The following FAM135A variants were observed in gnomAD, a reference collection of about 807,000 sequenced individuals.
The protein encoded by FAM135A is family with sequence similarity 135 member A.
Under a neutral mutation model 146.8 loss-of-function variants are expected in FAM135A, and 79 were observed. The ratio of observed to expected loss-of-function variants is 0.54; its 90% CI spans 0.45 to 0.65. FAM135A has a LOEUF of 0.65. Ranked by LOEUF, FAM135A falls within the 30% of genes least tolerant of loss-of-function variation. The pLI, the probability that FAM135A is intolerant of heterozygous loss-of-function variation, is 0.00. For missense variants in FAM135A, 1,623 were observed against 1,758.2 expected, an observed-to-expected ratio of 0.92 and a Z score of 1.38; for synonymous variants, 562 against 603.6, an observed-to-expected ratio of 0.93 and a Z score of 1.01.
chr6:70,513,953 A>G (rs1206277006), intron 12 of FAM135A, among the ~76,000 whole-genome samples: 1 of 151,274 alleles, frequency 6.6e-6, no homozygotes, highest in African/African-American at 2.4e-5. Flanking sequence ...TGACTATGAT[A>G]TGCCTTGTTG....
At chr6:70,437,607 T>C (rs145032776) in intron 4 of FAM135A, among the ~76,000 whole-genome samples, 3 of 152,234 alleles carry the variant, frequency 2.0e-5, no homozygotes, top group African/African-American at 4.8e-5. Context: ...AATAGGGAGA[T>C]ACTATGAGAA....
intron 5 of FAM135A, among the ~76,000 whole-genome samples, chr6:70,466,817 G>T (rs1333801765): frequency 6.6e-6 from 1 of 152,170 alleles, no homozygotes; most frequent in African/African-American, 2.4e-5. Flanking sequence ...GCACTGAAAA[G>T]AAATTTAGCC....
At chr6:70,558,492 C>T (rs1013975227) in intron 21 of FAM135A, among the ~76,000 whole-genome samples, 1 of 152,114 alleles carries the variant, frequency 6.6e-6, no homozygotes, top group Non-Finnish European at 1.5e-5. Flanking sequence ...CTTAGTATGA[C>T]CTCAGTAAAT....
chr6:70,553,522 T>C lies in FAM135A; in HGVS notation c.4229-3228T>C, dbSNP rs553986617. On this transcript the variant is annotated intron_variant, in intron 20 of 21. Transcript: ENST00000418814. ...GACCTTAATATGTGGGAGCCAATAT[T>C]GATATTTTTTGAGGGAAGACACATA... is the stretch of plus-strand genomic sequence containing the variant. 1.8e-3 allele frequency among the ~76,000 whole-genome samples: 272 copies of C among 152,264 alleles called. 1 individual carries two copies. Among genetic ancestry groups the C allele is most frequent in the Non-Finnish European group, 3.3e-3 (227 of 68,028 alleles).
chr6:70,531,160 G>A (rs1377388522), intron 16 of FAM135A, among the ~76,000 whole-genome samples: 3 of 152,158 alleles, frequency 2.0e-5, no homozygotes, highest in African/African-American at 7.2e-5. Flanking sequence ...AGCTTTGGCT[G>A]ATTTTCTCAA....
chr6:70,538,349 A>G lies in FAM135A; in HGVS notation c.4176A>G (p.Arg1392=), dbSNP rs1797162570. The G allele has an allele frequency of 1.3e-6, 2 of 1,533,028 alleles. No homozygotes were observed. Among genetic ancestry groups the G allele is most frequent in the African/African-American group, 1.4e-5 (1 of 73,154 alleles). 95.0% of individuals were successfully genotyped at this position (1,533,028 alleles called of 1,614,324 possible). The change falls in exon 20 of 22, where the codon CGA becomes CGG. Residue 1392 remains arginine (R), a synonymous_variant. Transcript: ENST00000418814. ...KSGSLLQLTC[R]DHSDPRQTFL... is the part of the protein sequence containing the mutation. ...GTTCGCTTTTGCAGCTGACATGTCG[A>G]GATCACTCAGACCCTCGCCAAACTT...
intron 10 of FAM135A, among the ~76,000 whole-genome samples, chr6:70,486,774 C>T (rs1784739760): frequency 6.6e-6 from 1 of 151,976 alleles, no homozygotes; most frequent in African/African-American, 2.4e-5. Context: ...ACTAAAAATA[C>T]AAAATTAGCC....
intron 5 of FAM135A, among the ~76,000 whole-genome samples, chr6:70,473,937 AG>A (rs1782104622): frequency 6.6e-6 from 1 of 152,142 alleles, no homozygotes; most frequent in Non-Finnish European, 1.5e-5. Flanking sequence ...CCCCAGCCTG[AG>A]GTGCCTTCCC....
intron 20 of FAM135A, among the ~76,000 whole-genome samples, chr6:70,542,248 G>GCACACACACACACACACACACACACA (rs112638092): frequency 5.6e-5 from 8 of 141,852 alleles, no homozygotes; most frequent in African/African-American, 2.3e-4. Flanking sequence ...TTTTTATCCT[G>GCACACACACACACACACACACACACA]CACACACACA....
At chr6:70,444,659 G>T (rs1007962062) in intron 4 of FAM135A, among the ~76,000 whole-genome samples, 8 of 152,024 alleles carry the variant, frequency 5.3e-5, no homozygotes, top group African/African-American at 1.9e-4. Flanking sequence ...TATTTACAGT[G>T]GTAGACTGCT....
At chr6:70,535,890 G>C (rs1796698996) in intron 18 of FAM135A, 1 of 155,620 alleles carries the variant, frequency 6.4e-6, no homozygotes, top group Admixed American at 6.5e-5. Flanking sequence ...TCATCATTTT[G>C]TTTGAAATGA....
intron 4 of FAM135A, among the ~76,000 whole-genome samples, chr6:70,448,187 A>G (rs1463251921): frequency 6.6e-6 from 1 of 152,152 alleles, no homozygotes; most frequent in Non-Finnish European, 1.5e-5. Flanking sequence ...CTGGAAAGGA[A>G]AGATCTGGAG....
chr6:70,526,687 T>G lies in FAM135A; in HGVS notation c.3603T>G (p.Pro1201=). The G allele has an allele frequency of 1.3e-6, 2 of 1,596,756 alleles. No individual in the cohort carries two copies. The highest frequency in any genetic ancestry group is 1.7e-6 in the Non-Finnish European group (2 of 1,173,262). ...CCTGGTATGAAAGTTCACCAAAACC[T>G]CAAATACAAGCGTAAGTAATGGAAC... ...SISWYESSPK[P]QIQAFLQAKE... The change falls in exon 15 of 22, where the codon CCT becomes CCG. Residue 1201 remains proline, a synonymous_variant. Transcript: ENST00000418814.
rs1794657177 is a variant in FAM135A at position 70,526,199 on chromosome 6, G to T, written c.3115G>T (p.Val1039Leu). 6.2e-7 allele frequency: 1 copy of T among 1,613,204 alleles called. No homozygotes were observed. The highest frequency in any genetic ancestry group is 1.3e-5 in the African/African-American group (1 of 74,862). The stretch of plus-strand genomic sequence containing the variant: ...TACTGATATAGTAAAGCAAGGGCTT[G>T]TGGAAAATTATTTTGGTTCTCAAAG... ...ASTDIVKQGL[V>L]ENYFGSQSST... The change falls in exon 15 of 22, where the codon GTG (valine) becomes TTG (leucine). Residue 1039 changes from valine to leucine, a missense_variant. Physicochemically the swap from Val to Leu is conservative, Grantham distance 32. Transcript: ENST00000418814.
chr6:70,541,250 TC>T (rs972065785), intron 20 of FAM135A, among the ~76,000 whole-genome samples: 59 of 152,270 alleles, frequency 3.9e-4, no homozygotes, highest in African/African-American at 1.4e-3. Context: ...TGTCCCCCTT[TC>T]CCCTTTTTCT....
chr6:70,414,144 A>G, intron 1 of FAM135A: 1 of 649,136 alleles, frequency 1.5e-6, no homozygotes, highest in Non-Finnish European at 1.9e-6. Context: ...GAAGCAGCGT[A>G]TCTCTGTGCT....
chr6:70,438,143 G>A (rs1485355100), intron 4 of FAM135A, among the ~76,000 whole-genome samples: 1 of 152,126 alleles, frequency 6.6e-6, no homozygotes, highest in Non-Finnish European at 1.5e-5. Flanking sequence ...ACAATGACAA[G>A]TAGAAACATT....
At position 70,534,227 on chromosome 6, in the gene FAM135A, G is replaced by A. The variant is rs193189722; in HGVS notation, c.3965+373G>A. Among the ~76,000 whole-genome samples the A allele has an allele frequency of 6.7e-5, 10 of 149,954 alleles. No individual in the cohort carries two copies. The East Asian group carries it at 1.9e-3, about 29-fold the overall frequency. The stretch of plus-strand genomic sequence containing the variant: ...GTACACTTTAAGTGGAAGAAGTATA[G>A]GCTCTGTGAGTTACATATATGTATA... On this transcript the variant is annotated intron_variant, in intron 18 of 21. Transcript: ENST00000418814.
intron 8 of FAM135A, among the ~76,000 whole-genome samples, chr6:70,477,721 T>C (rs554479776): frequency 3.2e-4 from 49 of 152,264 alleles, no homozygotes; most frequent in Non-Finnish European, 5.7e-4. Context: ...CATTCCAACA[T>C]TGAGGATTAC....
Sources: allele counts gnomAD v4.1 joint callset (sites outside exome capture counted in the v4.1 genomes callset), GRCh38; gene constraint gnomAD v4.1.1; transcripts MANE v1.5; gene names NCBI Gene and HGNC (gene_info 2026-07-23, HGNC 2026-07-21).